The following PIK3C2G variants were observed in gnomAD, a reference collection of about 807,000 sequenced individuals.
PIK3C2G encodes phosphatidylinositol 3-kinase C2 domain-containing subunit gamma.
In PIK3C2G, 168 loss-of-function variants were observed where a neutral mutation model predicts 181.1. That is an observed-to-expected ratio of 0.93 (90% confidence interval 0.82 to 1.05). The LOEUF (loss-of-function observed/expected upper bound fraction) is 1.05. Ranked by LOEUF, PIK3C2G falls within the 50% of genes least tolerant of loss-of-function variation. PIK3C2G has a pLI of 0.00. For synonymous variants in PIK3C2G, 573 were observed against 592.2 expected (o/e 0.97, Z 0.47); for missense variants, 1,869 against 1,732.8 (o/e 1.08, Z -1.40).
chr12:18,677,904 T>C, the PIK3C2G span, among the ~76,000 whole-genome samples: 3 of 152,108 alleles, frequency 2.0e-5, no homozygotes, highest in African/African-American at 7.2e-5. Context: ...AGCATGTGTA[T>C]CCATATTCAT....
intron 26 of PIK3C2G, among the ~76,000 whole-genome samples, chr12:18,554,512 CA>C (rs1565501739): frequency 6.6e-6 from 1 of 151,134 alleles, no homozygotes; most frequent in African/African-American, 2.5e-5. Context: ...CAACCAAAAT[CA>C]TCATGTGCTT....
chr12:18,276,052 G>C (rs1266668807), intron 1 of PIK3C2G, among the ~76,000 whole-genome samples: 2 of 152,164 alleles, frequency 1.3e-5, no homozygotes, highest in Admixed American at 6.5e-5. Flanking sequence ...TGTTGCAGTA[G>C]ACAAAGAAAA....
intron 16 of PIK3C2G, among the ~76,000 whole-genome samples, chr12:18,411,250 T>G (rs969768590): frequency 4.6e-5 from 7 of 152,174 alleles, no homozygotes; most frequent in African/African-American, 1.7e-4. Flanking sequence ...TGAAAAGTCC[T>G]TGCTAGGGGT....
intron 1 of PIK3C2G, among the ~76,000 whole-genome samples, chr12:18,272,529 C>T (rs1332970127): frequency 2.0e-5 from 3 of 152,106 alleles, no homozygotes; most frequent in African/African-American, 7.2e-5. Context: ...ATTTATTTCT[C>T]TTCTACAAAG....
rs752294638 is a variant in PIK3C2G at position 18,488,636 on chromosome 12, T to G, written c.2685+7T>G. The G allele has an allele frequency of 6.8e-7, 1 of 1,466,462 alleles. No homozygotes were observed. The highest frequency in any genetic ancestry group is 9.1e-7 in the Non-Finnish European group (1 of 1,099,530). 90.8% of individuals were successfully genotyped at this position (1,466,462 alleles called of 1,614,324 possible). On this transcript the variant is annotated splice_region_variant and intron_variant, in intron 19 of 32. Transcript: ENST00000538779. ...CAGTGACCATCAAAGACAGGTTTGT[T>G]GAAATATTAATATTCAGGTAGTAAT...
At chr12:18,708,496 G>A in the PIK3C2G span, among the ~76,000 whole-genome samples, 1 of 152,128 alleles carries the variant, frequency 6.6e-6, no homozygotes, top group Non-Finnish European at 1.5e-5. Flanking sequence ...TTATGAGATG[G>A]TTATTTAATT....
chr12:18,312,696 A>G (rs1213490352), intron 5 of PIK3C2G, among the ~76,000 whole-genome samples: 1 of 152,152 alleles, frequency 6.6e-6, no homozygotes, highest in African/African-American at 2.4e-5. Flanking sequence ...TACCCCAGGG[A>G]CAAGAATCTA....
chr12:18,506,663 G>A (rs1941857309), intron 24 of PIK3C2G, among the ~76,000 whole-genome samples: 1 of 152,070 alleles, frequency 6.6e-6, no homozygotes, highest in Non-Finnish European at 1.5e-5. Flanking sequence ...ACTGAAATAA[G>A]GAATACTGAT....
At chr12:18,646,851 C>G (rs1427934298) in intron 32 of PIK3C2G, among the ~76,000 whole-genome samples, 2 of 151,698 alleles carry the variant, frequency 1.3e-5, no homozygotes, top group African/African-American at 2.4e-5. Context: ...TGCAGGTTGC[C>G]GATGGACCTG....
intron 1 of PIK3C2G, among the ~76,000 whole-genome samples, chr12:18,264,337 C>T (rs993405310): frequency 6.6e-6 from 1 of 152,050 alleles, no homozygotes; most frequent in African/African-American, 2.4e-5. Flanking sequence ...GAATTATCCA[C>T]GTATTTACTA....
intron 9 of PIK3C2G, 115 bp downstream of exon 9, chr12:18,338,663 CTGTGTGTG>C (rs199613361): frequency 0.096 from 39,399 of 411,944 alleles, 1,235 homozygotes; most frequent in Admixed American, 0.23. Context: ...TTGTGTGTAT[CTGTGTGTG>C]TGTGTGTGTG....
intron 24 of PIK3C2G, among the ~76,000 whole-genome samples, chr12:18,506,119 T>G (rs2136122992): frequency 6.6e-6 from 1 of 152,310 alleles, no homozygotes; most frequent in Middle Eastern, 3.4e-3. Context: ...GACAAAGAGC[T>G]GTGTCCTTAT....
intron 22 of PIK3C2G, among the ~76,000 whole-genome samples, chr12:18,499,501 T>C (rs1361684953): frequency 6.6e-6 from 1 of 152,246 alleles, no homozygotes; most frequent in Non-Finnish European, 1.5e-5. Flanking sequence ...ATCATTCTCA[T>C]GGTCACTTTG....
At chr12:18,413,318 A>G (rs537275622) in intron 16 of PIK3C2G, among the ~76,000 whole-genome samples, 2 of 152,298 alleles carry the variant, frequency 1.3e-5, no homozygotes, top group South Asian at 4.1e-4. Flanking sequence ...CTGTTAAGAC[A>G]CATTTGGGAA....
At chr12:18,587,457 T>C (rs1375459660) in intron 29 of PIK3C2G, among the ~76,000 whole-genome samples, 1 of 152,032 alleles carries the variant, frequency 6.6e-6, no homozygotes, top group Non-Finnish European at 1.5e-5. Flanking sequence ...CTTTCATAAT[T>C]GCCATAAAAA....
rs1172222913 is a variant in PIK3C2G at position 18,291,012 on chromosome 12, G to A, written c.919G>A (p.Ala307Thr). 25 of 1,588,612 alleles carry A rather than the reference G, an allele frequency of 1.6e-5. No homozygotes were observed. Among genetic ancestry groups the A allele is most frequent in the Non-Finnish European group, 2.2e-5 (25 of 1,160,658 alleles). Residue 307 changes from alanine to threonine, a missense_variant and splice_region_variant, in exon 4 of 33, where the codon GCT (alanine) becomes ACT (threonine). Transcript: ENST00000538779. ...STQPLHFMPC[A>T]NYLVKDLIAE... ...ACAACCTCTTCATTTTATGCCATGT[G>A]GTAAGCAACCTTGCAAATAAGTCTA...
the PIK3C2G span, among the ~76,000 whole-genome samples, chr12:18,725,693 A>C: frequency 6.6e-6 from 1 of 151,986 alleles, no homozygotes; most frequent in Admixed American, 6.6e-5. Flanking sequence ...TCCTCCTTCC[A>C]CCTCACACTT....
At chr12:18,386,897 G>A (rs1017811311) in intron 14 of PIK3C2G, among the ~76,000 whole-genome samples, 2 of 152,032 alleles carry the variant, frequency 1.3e-5, no homozygotes, top group African/African-American at 2.4e-5. Flanking sequence ...CTGTGTAAGT[G>A]CACTTCTGAG....
At chr12:18,351,568 G>T (rs60154498) in intron 11 of PIK3C2G, among the ~76,000 whole-genome samples, 17,103 of 152,120 alleles carry the variant, frequency 0.11, 1,317 homozygotes, top group Admixed American at 0.25. Context: ...CATTCTGTGA[G>T]TTTTGCGCTG....
Sources: gnomAD v4.1 joint callset for allele counts (sites outside exome capture counted in the v4.1 genomes callset) on GRCh38, gnomAD v4.1.1 for gene constraint, MANE v1.5 for transcripts, NCBI Gene and HGNC (gene_info 2026-07-23, HGNC 2026-07-21) for gene names.